TMEM131L: variants seen among roughly 807,000 people sequenced by gnomAD.
TMEM131L encodes transmembrane protein 131-like.
Under a neutral mutation model 192.2 loss-of-function variants are expected in TMEM131L, and 54 were observed. That is an observed-to-expected ratio of 0.28 (90% CI 0.23 to 0.35). The LOEUF (loss-of-function observed/expected upper bound fraction) is 0.35, where lower values mean the gene tolerates loss of function less well. TMEM131L is among the 10% of genes least tolerant of loss of function. TMEM131L has a pLI of 1.00. For missense variants in TMEM131L, 1,888 were observed against 1,972.9 expected, an observed-to-expected ratio of 0.96 and a Z score of 0.82; for synonymous variants, 701 against 704.9, an observed-to-expected ratio of 0.99 and a Z score of 0.09.
chr4:153,615,690 A>C (rs1392569788), intron 26 of TMEM131L, among the ~76,000 whole-genome samples: 1 of 152,172 alleles, frequency 6.6e-6, no homozygotes, highest in African/African-American at 2.4e-5. Flanking sequence ...GTTGCCCTGC[A>C]ATGAAGTAGA....
chr4:153,582,433 GTTTTTTTTTTT>G (rs1038256479), intron 9 of TMEM131L, among the ~76,000 whole-genome samples: 6 of 40,334 alleles, frequency 1.5e-4, no homozygotes, highest in South Asian at 1.7e-3. Context: ...TTTTTTTGTT[GTTTTTTTTTTT>G]TTTTTTTTTT....
At chr4:153,511,200 T>C (rs1734332189) in intron 3 of TMEM131L, among the ~76,000 whole-genome samples, 1 of 152,220 alleles carries the variant, frequency 6.6e-6, no homozygotes, top group South Asian at 2.1e-4. Flanking sequence ...ATTGTAGCAC[T>C]ATTCACAGTA....
chr4:153,495,567 A>C (rs914019577), intron 3 of TMEM131L, among the ~76,000 whole-genome samples: 3 of 152,190 alleles, frequency 2.0e-5, no homozygotes, highest in Non-Finnish European at 4.4e-5. Flanking sequence ...TACACAATTT[A>C]GTCTGCCTCA....
At chr4:153,624,397 G>T (rs1265562725) in intron 29 of TMEM131L, among the ~76,000 whole-genome samples, 1 of 152,196 alleles carries the variant, frequency 6.6e-6, no homozygotes, top group Non-Finnish European at 1.5e-5. Flanking sequence ...GGGATTACAG[G>T]CGTGGGCCAC....
In TMEM131L at chr4:153,576,041, G is replaced by C. The variant is rs549241754; in HGVS notation, c.661-4785G>C. 6.6e-5 allele frequency among the ~76,000 whole-genome samples: 10 copies of C among 151,842 alleles called. No homozygotes were observed. In the East Asian group the frequency reaches 1.7e-3, roughly 26 times the overall value. On this transcript the variant is annotated intron_variant, in intron 7 of 34. Transcript: ENST00000409959. Reference sequence around the variant, plus strand: ...GTGGCCCGATCTCGGCTCACTGCAAGCTCTGCCTCCCAGGTTCACGCCATT... The same window carrying C: ...GTGGCCCGATCTCGGCTCACTGCAACCTCTGCCTCCCAGGTTCACGCCATT...
At position 153,635,492 on chromosome 4, in the gene TMEM131L, A is replaced by C. The variant is rs1444173365; in HGVS notation, c.4478A>C (p.Asp1493Ala). 6 of 1,614,012 alleles carry C rather than the reference A, an allele frequency of 3.7e-6. No individual in the cohort carries two copies. The highest frequency in any genetic ancestry group is 5.1e-6 in the Non-Finnish European group (6 of 1,179,876). The change falls in exon 34 of 35, where the codon GAT (aspartate) becomes GCT (alanine). Residue 1493 changes from aspartate to alanine, a missense_variant. Transcript: ENST00000409959. ...GCAGATGTTCAGACAGACTTTATTG[A>C]TCACAACTCTCAGTCTACCTGGAAC... ...CPADVQTDFI[D>A]HNSQSTWNTP...
At chr4:153,608,495 G>A (rs912195591) in intron 25 of TMEM131L, among the ~76,000 whole-genome samples, 1 of 152,172 alleles carries the variant, frequency 6.6e-6, no homozygotes, top group South Asian at 2.1e-4. Flanking sequence ...ACAAGCTATG[G>A]TTGGCCGCAG....
chr4:153,618,344 G>A (rs1444225082), intron 26 of TMEM131L, among the ~76,000 whole-genome samples: 4 of 151,792 alleles, frequency 2.6e-5, no homozygotes, highest in Non-Finnish European at 5.9e-5. Context: ...GGGCATGGTG[G>A]CACTTGCCTG....
At chr4:153,483,613 A>G (rs1283856940) in intron 3 of TMEM131L, among the ~76,000 whole-genome samples, 3 of 152,148 alleles carry the variant, frequency 2.0e-5, no homozygotes, top group African/African-American at 7.2e-5. Context: ...GGCTCACTTG[A>G]GCCCAGGAGG....
At chr4:153,530,506 G>A (rs765306017) in intron 3 of TMEM131L, among the ~76,000 whole-genome samples, 1 of 152,212 alleles carries the variant, frequency 6.6e-6, no homozygotes, top group Admixed American at 6.5e-5. Flanking sequence ...GTTAGAGACT[G>A]CTTGAAAAGA....
intron 23 of TMEM131L, 142 bp from the exon 24 acceptor site, chr4:153,603,161 T>G: frequency 1.5e-6 from 1 of 686,100 alleles, no homozygotes; most frequent in Non-Finnish European, 2.3e-6. Flanking sequence ...CATCAGAAAT[T>G]ATGTGATAAA....
chr4:153,509,624 G>A (rs1016413023), intron 3 of TMEM131L, among the ~76,000 whole-genome samples: 1 of 152,164 alleles, frequency 6.6e-6, no homozygotes, highest in Non-Finnish European at 1.5e-5. Context: ...TACTCCTGAG[G>A]AGGAGGAACG....
At chr4:153,590,790 G>A (rs893423493) in intron 16 of TMEM131L, among the ~76,000 whole-genome samples, 25 of 152,056 alleles carry the variant, frequency 1.6e-4, no homozygotes, top group African/African-American at 4.8e-4. Flanking sequence ...AATTTGGCTG[G>A]TAGGAGCCCT....
intron 3 of TMEM131L, among the ~76,000 whole-genome samples, chr4:153,480,945 C>T (rs914871403): frequency 6.6e-6 from 1 of 152,156 alleles, no homozygotes; most frequent in Non-Finnish European, 1.5e-5. Context: ...CTGTAGCCAC[C>T]CCATCCTGTT....
intron 26 of TMEM131L, among the ~76,000 whole-genome samples, chr4:153,618,045 A>G (rs1056318087): frequency 1.3e-5 from 2 of 152,106 alleles, no homozygotes; most frequent in South Asian, 2.1e-4. Flanking sequence ...AAACTTAGTT[A>G]TTGCTTATTT....
intron 2 of TMEM131L, among the ~76,000 whole-genome samples, chr4:153,467,621 A>G (rs2149694497): frequency 6.6e-6 from 1 of 151,976 alleles, no homozygotes; most frequent in East Asian, 1.9e-4. Flanking sequence ...GCAAGTGGCT[A>G]AGAGGTTGAG....
intron 7 of TMEM131L, among the ~76,000 whole-genome samples, chr4:153,568,471 A>T (rs1729370964): frequency 6.6e-6 from 1 of 152,162 alleles, no homozygotes; most frequent in Non-Finnish European, 1.5e-5. Context: ...CTAGTTCCTT[A>T]CTGAAAACCC....
At chr4:153,603,659 A>G in intron 24 of TMEM131L, 143 bp from the exon 25 acceptor site, 1 of 1,066,518 alleles carries the variant, frequency 9.4e-7, no homozygotes, top group Non-Finnish European at 1.3e-6. Flanking sequence ...TCATTGGCAG[A>G]AAACTCTTGG....
At chr4:153,578,963 A>G (rs1730154825) in intron 7 of TMEM131L, among the ~76,000 whole-genome samples, 1 of 152,128 alleles carries the variant, frequency 6.6e-6, no homozygotes, top group African/African-American at 2.4e-5. Flanking sequence ...CAGCCTAACA[A>G]GTCTCTTTTA....
Sources: gnomAD v4.1 joint callset for allele counts (sites outside exome capture counted in the v4.1 genomes callset) on GRCh38, gnomAD v4.1.1 for gene constraint, MANE v1.5 for transcripts, NCBI Gene and HGNC (gene_info 2026-07-23, HGNC 2026-07-21) for gene names.